Variants in TOLLIP observed in about 807,000 individuals in gnomAD.
TOLLIP encodes the protein toll-interacting protein.
Under a neutral mutation model 33.5 loss-of-function variants are expected in TOLLIP, and 16 were observed. That is an observed-to-expected ratio of 0.48 (90% CI 0.32 to 0.72). The LOEUF is 0.72. TOLLIP is among the 30% of genes least tolerant of loss of function. TOLLIP has a pLI of 0.03. For synonymous variants in TOLLIP, 176 were observed against 163.7 expected, an observed-to-expected ratio of 1.07 and a Z score of -0.57; for missense variants, 325 against 396.6, an observed-to-expected ratio of 0.82 and a Z score of 1.53.
Position 1,287,395 on chromosome 11 carries a change from G to GCCTCCCCGCCGCAC in TOLLIP, c.519+1228_519+1229insGTGCGGCGGGGAGG, listed in dbSNP as rs1863755079. On this transcript the variant is annotated intron_variant, in intron 4 of 5. Coordinates refer to ENST00000317204, the MANE Select transcript of TOLLIP (RefSeq NM_019009.4). ...CCCAGAAAAGCAGCTCCCTGCTGCTGCCTCCCCGCCGCAGCCTCCCCGCCG... is the reference window on the plus strand; with the variant it reads ...CCCAGAAAAGCAGCTCCCTGCTGCTGCCTCCCCGCCGCACCCTCCCCGCCGCAGCCTCCCCGCCG... Among the ~76,000 whole-genome samples, 9 of 101,218 alleles carry GCCTCCCCGCCGCAC rather than the reference G, an allele frequency of 8.9e-5. 1 individual carries two copies. Among genetic ancestry groups the GCCTCCCCGCCGCAC allele is most frequent in the East Asian group, 2.6e-4 (1 of 3,912 alleles). The allele number at this position is 101,218 out of a possible 152,430, so 66.4% of individuals were successfully genotyped here.
In TOLLIP at chr11:1,290,180, C is replaced by T. The variant is rs5743954; in HGVS notation, c.366+47G>A. The T allele has an allele frequency of 3.7e-3, 5,811 of 1,583,522 alleles. 168 individuals are homozygous for T. The African/African-American group carries it at 0.069, about 19-fold the overall frequency. ...GGCAGGTGTGTCCCCACGGCAGCCA[C>T]GCTCAGCCACGTGCAGCCTCCATAA... On this transcript the variant is annotated intron_variant, in intron 3 of 5. Coordinates refer to ENST00000317204, the MANE Select transcript of TOLLIP (RefSeq NM_019009.4). This position sits in a 1 kb window ranked among gnomAD's most constrained non-coding sequence, Gnocchi z 4.9.
intron 5 of TOLLIP, among the ~76,000 whole-genome samples, chr11:1,284,355 C>T (rs1863610481): frequency 2.0e-5 from 3 of 146,916 alleles, no homozygotes; most frequent in Admixed American, 6.8e-5. Flanking sequence ...TGGTGGTTTT[C>T]TTTTTTTTTT....
chr11:1,275,133 TGGCCCCCACTGTGTGGGTCCCTCG>T lies in TOLLIP; in HGVS notation c.*1882_*1905del, dbSNP rs1410842826. On this transcript the variant is annotated 3_prime_UTR_variant, in exon 6 of 6. Transcript: ENST00000317204. ...AGGGTTGCTCTCCCTCCAGCGAGGC[TGGCCCCCACTGTGTGGGTCCCTCG>T]GGCCCCCACACGGGCTGCTCAAGGG... 5.9e-5 allele frequency: 9 copies of T among 152,308 alleles called. 1 individual carries two copies. The highest frequency in any genetic ancestry group is 1.4e-4 in the African/African-American group (6 of 41,570). 9.4% of individuals were successfully genotyped at this position (152,308 alleles called of 1,614,324 possible). A position where few individuals can be genotyped will look rare whatever the true frequency, so the allele number is the denominator to read the frequency against.
chr11:1,283,683 T>A (rs907469026), intron 5 of TOLLIP: 4 of 417,560 alleles, frequency 9.6e-6, no homozygotes, highest in Non-Finnish European at 1.9e-5. Context: ...ACAAAGAGAA[T>A]TAGGGATAGG....
chr11:1,285,339 C>T (rs1398610623), intron 5 of TOLLIP, among the ~76,000 whole-genome samples: 3 of 152,278 alleles, frequency 2.0e-5, no homozygotes, highest in Admixed American at 6.5e-5. Context: ...CTAGCACCTC[C>T]TCTCAGGGGC....
chr11:1,305,747 G>A (rs1398129244), intron 1 of TOLLIP: 3 of 152,344 alleles, frequency 2.0e-5, no homozygotes, highest in Non-Finnish European at 2.9e-5. Context: ...CCTCCAGCTG[G>A]ACTCCATGGC....
At chr11:1,285,966 C>A in intron 5 of TOLLIP, 36 bp downstream of exon 5, 1 of 1,546,166 alleles carries the variant, frequency 6.5e-7, no homozygotes, top group Non-Finnish European at 8.8e-7. Flanking sequence ...GGGGTTTCTA[C>A]CAGGGGAGAG....
chr11:1,288,754 C>T lies in TOLLIP; in HGVS notation c.389G>A (p.Arg130His), dbSNP rs776554465. 5.6e-6 allele frequency: 9 copies of T among 1,612,426 alleles called. No homozygotes were observed. The highest frequency in any genetic ancestry group is 4.4e-5 in the South Asian group (4 of 91,056). Residue 130 changes from arginine to histidine, a missense_variant, in exon 4 of 6, where the codon CGC becomes CAC. Transcript: ENST00000317204. The part of the protein sequence containing the change: ...FDERAFSMDD[R>H]IAWTHITIPE... ...GATGGTGATGTGGGTCCAGGCAATGCGGTCGTCCATGGAGAAGGCTCTCTG... is the reference window on the plus strand; with the variant it reads ...GATGGTGATGTGGGTCCAGGCAATGTGGTCGTCCATGGAGAAGGCTCTCTG...
Position 1,303,336 on chromosome 11 carries a change from C to T in TOLLIP, c.33+6130G>A, listed in dbSNP as rs947826219. ...AGCAGGCCAAGGGCGGACAGAGATC[C>T]AGAGAGGGACGGCATGTGACGTGGC... On this transcript the variant is annotated intron_variant, in intron 1 of 5. Transcript: ENST00000317204. This position sits in a 1 kb window ranked among gnomAD's most constrained non-coding sequence, Gnocchi z 4.2. 3.3e-5 allele frequency among the ~76,000 whole-genome samples: 5 copies of T among 152,034 alleles called. No homozygotes were observed. The highest frequency in any genetic ancestry group is 1.2e-4 in the African/African-American group (5 of 41,398).
intron 4 of TOLLIP, 59 bp from the exon 5 acceptor site, chr11:1,286,151 C>T (rs1590211887): frequency 1.5e-5 from 21 of 1,358,612 alleles, no homozygotes; most frequent in Middle Eastern, 3.7e-4. Flanking sequence ...ATCAGAACCT[C>T]GGGAATCGCC....
At chr11:1,308,586 C>G (rs1246644974) in intron 1 of TOLLIP, among the ~76,000 whole-genome samples, 1 of 152,282 alleles carries the variant, frequency 6.6e-6, no homozygotes, top group African/African-American at 2.4e-5. Flanking sequence ...TCTACACCAG[C>G]TCTCCTGCAA....
chr11:1,288,446 C>A (rs1417491892), intron 4 of TOLLIP, among the ~76,000 whole-genome samples, 178 bp downstream of exon 4: 1 of 152,190 alleles, frequency 6.6e-6, no homozygotes, highest in South Asian at 2.1e-4. Context: ...GGCAGGGCAG[C>A]CCCTCTCTGC....
At chr11:1,279,129 G>A (rs1174188293) in intron 5 of TOLLIP, among the ~76,000 whole-genome samples, 2 of 152,266 alleles carry the variant, frequency 1.3e-5, no homozygotes, top group South Asian at 2.1e-4. Flanking sequence ...TGGCTGTGAC[G>A]CTGCGACGTC....
chr11:1,288,209 C>A (rs1290483369), intron 4 of TOLLIP, among the ~76,000 whole-genome samples: 3 of 152,194 alleles, frequency 2.0e-5, no homozygotes, highest in African/African-American at 7.2e-5. Context: ...ACGGCCAATG[C>A]CTGCCCTGTG....
At position 1,276,991 on chromosome 11, in the gene TOLLIP, G is replaced by A. The variant is rs773491764; in HGVS notation, c.*48C>T. On this transcript the variant is annotated 3_prime_UTR_variant, in exon 6 of 6. Transcript: ENST00000317204. Reference sequence around the variant, plus strand: ...GACAGCATTCCTTGGGGAGCGCCGGGTCGGCGTGTCCAAAGAGCGGGGGCA... The same window carrying A: ...GACAGCATTCCTTGGGGAGCGCCGGATCGGCGTGTCCAAAGAGCGGGGGCA... 1.4e-5 allele frequency: 23 copies of A among 1,599,188 alleles called. No individual in the cohort carries two copies. The highest frequency in any genetic ancestry group is 1.9e-5 in the Non-Finnish European group (22 of 1,169,528).
intron 5 of TOLLIP, among the ~76,000 whole-genome samples, chr11:1,284,409 C>T (rs5743989): frequency 0.02 from 2,982 of 151,846 alleles, 87 homozygotes; most frequent in African/African-American, 0.068. Context: ...AGTGCAGTGG[C>T]GCAATCTCGG....
At chr11:1,288,059 G>A (rs1863804110) in intron 4 of TOLLIP, among the ~76,000 whole-genome samples, 1 of 152,140 alleles carries the variant, frequency 6.6e-6, no homozygotes, top group Non-Finnish European at 1.5e-5. Flanking sequence ...GCCCCCAGGA[G>A]CTGCAGGTGC....
In TOLLIP at chr11:1,309,513, C is replaced by T; in HGVS notation, c.-15G>A. 7.7e-7 allele frequency: 1 copy of T among 1,297,516 alleles called. No homozygotes were observed. The highest frequency in any genetic ancestry group is 9.8e-7 in the Non-Finnish European group (1 of 1,015,608). The allele number at this position is 1,297,516 out of a possible 1,614,324, so 80.4% of individuals were successfully genotyped here. On this transcript the variant is annotated 5_prime_UTR_variant, in exon 1 of 6. Coordinates refer to ENST00000317204, the MANE Select transcript of TOLLIP (RefSeq NM_019009.4). ...GTGGTCGCCATGGTGCTGCGGCGGC[C>T]CCCGTGGCTCGCCGACCCGACAGTG...
Position 1,288,767 on chromosome 11 carries a change from A to T in TOLLIP, c.376T>A (p.Ser126Thr). ...GTCCAGGCAATGCGGTCGTCCATGGAGAAGGCTCTCTGCGGGAGACAAGAG... is the reference window on the plus strand; with the variant it reads ...GTCCAGGCAATGCGGTCGTCCATGGTGAAGGCTCTCTGCGGGAGACAAGAG... ...YLEIFDERAF[S>T]MDDRIAWTHI... is the part of the protein sequence containing the mutation. Residue 126 changes from serine to threonine, a missense_variant, in exon 4 of 6, where the codon TCC (serine) becomes ACC (threonine). Physicochemically the swap from Ser to Thr is moderately conservative, Grantham distance 58. Transcript: ENST00000317204. 6.2e-7 allele frequency: 1 copy of T among 1,612,170 alleles called. No homozygotes were observed. Among genetic ancestry groups the T allele is most frequent in the Non-Finnish European group, 8.5e-7 (1 of 1,179,506 alleles).
Sources: allele counts gnomAD v4.1 joint callset (sites outside exome capture counted in the v4.1 genomes callset), GRCh38; gene constraint gnomAD v4.1.1; non-coding constraint Gnocchi (gnomAD v3.1); transcripts MANE v1.5; gene names NCBI Gene and HGNC (gene_info 2026-07-23, HGNC 2026-07-21).